ZNF835: variants seen among roughly 807,000 people sequenced by gnomAD.
The protein encoded by ZNF835 is zinc finger protein 835.
For synonymous variants in ZNF835, 323 were observed against 324.7 expected (o/e 0.99, Z 0.06); for missense variants, 783 against 758.4 (o/e 1.03, Z -0.38).
intron 1 of ZNF835, among the ~76,000 whole-genome samples, chr19:56,670,678 C>T (rs554077280): frequency 2.0e-5 from 3 of 152,326 alleles, no homozygotes; most frequent in Non-Finnish European, 2.9e-5. Flanking sequence ...CAGTCACACT[C>T]GGTGGATAGA....
Position 56,664,752 on chromosome 19 carries a change from C to T in ZNF835, c.447G>A (p.Gln149=). 5 of 1,613,736 alleles carry T rather than the reference C, an allele frequency of 3.1e-6. No individual in the cohort carries two copies. The highest frequency in any genetic ancestry group is 1.1e-5 in the South Asian group (1 of 91,062). The part of the protein sequence containing the change: ...ACPECGKAFS[Q]SVHLTLHQRT... The stretch of plus-strand genomic sequence containing the variant: ...GCTGGTGCAGGGTCAGGTGCACGCT[C>T]TGGCTGAAGGCCTTGCCGCACTCGG... The change falls in exon 2 of 2, where the codon CAG becomes CAA. Residue 149 remains glutamine, a synonymous_variant. Transcript: ENST00000537055.
intron 1 of ZNF835, among the ~76,000 whole-genome samples, chr19:56,668,949 G>A: frequency 6.6e-6 from 1 of 152,070 alleles, no homozygotes; most frequent in East Asian, 1.9e-4. Flanking sequence ...GTAAACCTGG[G>A]TGTTGTGCAC....
chr19:56,667,517 T>C (rs950846885), intron 1 of ZNF835, among the ~76,000 whole-genome samples: 30 of 152,164 alleles, frequency 2.0e-4, no homozygotes, highest in African/African-American at 7.2e-4. Flanking sequence ...ACATGGCAGG[T>C]CTCTCAGCAA....
In ZNF835 at chr19:56,664,328, C is replaced by A. The variant is rs779257745; in HGVS notation, c.871G>T (p.Ala291Ser). ...ACGCGCCGGTGCTGGGTCAGGTGCGCGATCTGCGCGAAGGCCTTGGCGCAC... is the reference window on the plus strand; with the variant it reads ...ACGCGCCGGTGCTGGGTCAGGTGCGAGATCTGCGCGAAGGCCTTGGCGCAC... ...GQCAKAFAQI[A>S]HLTQHRRVHT... The change falls in exon 2 of 2, where the codon GCG (alanine) becomes TCG (serine). Residue 291 changes from alanine to serine, a missense_variant. Transcript: ENST00000537055. The A allele has an allele frequency of 7.6e-6, 12 of 1,574,532 alleles. No individual in the cohort carries two copies. Among genetic ancestry groups the A allele is most frequent in the Middle Eastern group, 1.7e-4 (1 of 5,864 alleles).
At position 56,664,615 on chromosome 19, in the gene ZNF835, C is replaced by G. The variant is rs202122394; in HGVS notation, c.584G>C (p.Arg195Pro). ...GAAGGCCTTGCCGCAGTCGGCGCAG[C>G]GGTGCGGCTTCTCGCCCGTGTGCGT... ...WRTHTGEKPHRCADCGKAFTR... is the reference protein window; with the variant it reads ...WRTHTGEKPHPCADCGKAFTR... Residue 195 changes from arginine (R) to proline (P), a missense_variant, in exon 2 of 2, where the codon CGC (arginine) becomes CCC (proline). Coordinates refer to ENST00000537055, the MANE Select transcript of ZNF835 (RefSeq NM_001005850.3). 7 of 1,603,604 alleles carry G rather than the reference C, an allele frequency of 4.4e-6. No individual in the cohort carries two copies.
rs575232626 is a variant in ZNF835, at chr19:56,664,349, C to G, written c.850G>C (p.Ala284Pro). The change falls in exon 2 of 2, where the codon GCC (alanine) becomes CCC (proline). Residue 284 changes from alanine to proline, a missense_variant. Coordinates refer to ENST00000537055, the MANE Select transcript of ZNF835 (RefSeq NM_001005850.3). The stretch of plus-strand genomic sequence containing the variant: ...TGCGCGATCTGCGCGAAGGCCTTGG[C>G]GCACTGGCCGCAGCGGTAGGGCTTC... ...EEKPYRCGQC[A>P]KAFAQIAHLT... 1.2e-6 allele frequency: 2 copies of G among 1,607,196 alleles called. No homozygotes were observed. The highest frequency in any genetic ancestry group is 1.7e-6 in the Non-Finnish European group (2 of 1,176,966).
chr19:56,669,132 C>T (rs1482637218), intron 1 of ZNF835, among the ~76,000 whole-genome samples: 2 of 152,148 alleles, frequency 1.3e-5, no homozygotes, highest in African/African-American at 4.8e-5. Flanking sequence ...TCAACCCCTC[C>T]TTGGGTTTGG....
In ZNF835 at chr19:56,664,773, C is replaced by G. The variant is rs780376856; in HGVS notation, c.426G>C (p.Glu142Asp). The G allele has an allele frequency of 6.2e-7, 1 of 1,614,124 alleles. No individual in the cohort carries two copies. Among genetic ancestry groups the G allele is most frequent in the Non-Finnish European group, 8.5e-7 (1 of 1,180,004 alleles). ...CGCTCTGGCTGAAGGCCTTGCCGCA[C>G]TCGGGGCACGCAAATGGCTTCTCCC... is the stretch of plus-strand genomic sequence containing the variant. Reference protein sequence around the residue: ...HTGEKPFACPECGKAFSQSVH... With the variant: ...HTGEKPFACPDCGKAFSQSVH... Residue 142 changes from glutamate to aspartate, a missense_variant, in exon 2 of 2, where the codon GAG becomes GAC. Physicochemically the swap from Glu to Asp is conservative, Grantham distance 45. Coordinates refer to ENST00000537055, the MANE Select transcript of ZNF835 (RefSeq NM_001005850.3).
chr19:56,664,886 C>T lies in ZNF835; in HGVS notation c.313G>A (p.Gly105Ser). 6.2e-7 allele frequency: 1 copy of T among 1,613,890 alleles called. No individual in the cohort carries two copies. The highest frequency in any genetic ancestry group is 8.5e-7 in the Non-Finnish European group (1 of 1,179,894). ...CCGCATTTCCACGGCTTCTTGGGGC[C>T]TCCACCTCTCTCCCGCTGGCGGCTG... ...PDSRQRERGG[G>S]PKKPWKCGDC... Residue 105 changes from glycine to serine, a missense_variant, in exon 2 of 2, where the codon GGC (glycine) becomes AGC (serine). Transcript: ENST00000537055.
chr19:56,668,826 G>A (rs1442316362), intron 1 of ZNF835, among the ~76,000 whole-genome samples: 2 of 152,064 alleles, frequency 1.3e-5, no homozygotes, highest in Non-Finnish European at 2.9e-5. Flanking sequence ...GAACTTGCTG[G>A]TGGGGGCCAG....
At chr19:56,670,679 G>A (rs577366707) in intron 1 of ZNF835, among the ~76,000 whole-genome samples, 2 of 152,164 alleles carry the variant, frequency 1.3e-5, no homozygotes, top group Non-Finnish European at 1.5e-5. Context: ...AGTCACACTC[G>A]GTGGATAGAG....
chr19:56,668,613 G>A (rs2045264967), intron 1 of ZNF835, among the ~76,000 whole-genome samples: 1 of 152,146 alleles, frequency 6.6e-6, no homozygotes, highest in South Asian at 2.1e-4. Flanking sequence ...GAGGACAAGA[G>A]GAGACCCTGA....
rs774575039 is a variant in ZNF835 at position 56,664,295 on chromosome 19, C to A, written c.904G>T (p.Gly302Cys). ...TCCTGGCACGTGTAGGGCTTCTCGC[C>A]CGTGTGCACGCGCCGGTGCTGGGTC... Reference protein sequence around the residue: ...HLTQHRRVHTGEKPYTCQDCG... With the variant: ...HLTQHRRVHTCEKPYTCQDCG... The change falls in exon 2 of 2, where the codon GGC becomes TGC. Residue 302 changes from glycine to cysteine, a missense_variant. Physicochemically the swap from Gly to Cys is radical, Grantham distance 159 (BLOSUM62 -3). Coordinates refer to ENST00000537055, the MANE Select transcript of ZNF835 (RefSeq NM_001005850.3). The A allele has an allele frequency of 6.2e-7, 1 of 1,605,784 alleles. No homozygotes were observed. The highest frequency in any genetic ancestry group is 1.7e-5 in the Admixed American group (1 of 58,364).
Position 56,664,328 on chromosome 19 carries a change from C to G in ZNF835, c.871G>C (p.Ala291Pro). Residue 291 changes from alanine (A) to proline (P), a missense_variant, in exon 2 of 2, where the codon GCG becomes CCG. Physicochemically the swap from Ala to Pro is conservative, Grantham distance 27. Transcript: ENST00000537055. ...GQCAKAFAQI[A>P]HLTQHRRVHT... Reference sequence around the variant, plus strand: ...ACGCGCCGGTGCTGGGTCAGGTGCGCGATCTGCGCGAAGGCCTTGGCGCAC... The same window carrying G: ...ACGCGCCGGTGCTGGGTCAGGTGCGGGATCTGCGCGAAGGCCTTGGCGCAC... 2 of 1,574,532 alleles carry G rather than the reference C, an allele frequency of 1.3e-6. No individual in the cohort carries two copies. The highest frequency in any genetic ancestry group is 1.7e-6 in the Non-Finnish European group (2 of 1,164,028).
At position 56,663,650 on chromosome 19, in the gene ZNF835, G is replaced by T. The variant is rs755959498; in HGVS notation, c.1549C>A (p.Gln517Lys). 2.5e-6 allele frequency: 4 copies of T among 1,614,054 alleles called. No homozygotes were observed. In the East Asian group the frequency reaches 8.9e-5, roughly 36 times the overall value. Residue 517 changes from glutamine to lysine, a missense_variant, in exon 2 of 2, where the codon CAG becomes AAG. By Grantham distance (53) the Gln-to-Lys change is moderately conservative. Transcript: ENST00000537055. ...PTPDSTPGLS[Q>K]GGETCQQGCP... is the part of the protein sequence containing the mutation. ...CCCTGTTGACAGGTTTCTCCTCCCT[G>T]TGAGAGCCCAGGTGTTGAGTCAGGC...
chr19:56,663,683 C>T lies in ZNF835; in HGVS notation c.1516G>A (p.Ala506Thr), dbSNP rs2045205937. Residue 506 changes from alanine (A) to threonine (T), a missense_variant, in exon 2 of 2, where the codon GCT becomes ACT. Physicochemically the swap from Ala to Thr is moderately conservative, Grantham distance 58 (BLOSUM62 0). Transcript: ENST00000537055. ...HADSSGRLCP[A>T]PTPDSTPGLS... ...CCAGGTGTTGAGTCAGGCGTGGGAG[C>T]TGGGCAAAGGCGTCCCGAACTGTCT... 1.9e-6 allele frequency: 3 copies of T among 1,614,024 alleles called. No individual in the cohort carries two copies. Among genetic ancestry groups the T allele is most frequent in the Non-Finnish European group, 2.5e-6 (3 of 1,179,896 alleles).
At chr19:56,667,719 G>A (rs967524099) in intron 1 of ZNF835, among the ~76,000 whole-genome samples, 2 of 152,158 alleles carry the variant, frequency 1.3e-5, no homozygotes, top group East Asian at 3.9e-4. Context: ...ACCCTTTGTG[G>A]TGGTGCTAGG....
chr19:56,668,600 C>T (rs763700024), intron 1 of ZNF835, among the ~76,000 whole-genome samples: 8 of 152,016 alleles, frequency 5.3e-5, no homozygotes, highest in Non-Finnish European at 1.2e-4. Context: ...TGTGCCTCAG[C>T]AAGAGGACAA....
intron 1 of ZNF835, among the ~76,000 whole-genome samples, chr19:56,670,639 C>T (rs2045281172): frequency 6.6e-6 from 1 of 152,236 alleles, no homozygotes; most frequent in South Asian, 2.1e-4. Context: ...TACTGGGACA[C>T]ACCCACAGGG....
Sources: allele counts gnomAD v4.1 joint callset (sites outside exome capture counted in the v4.1 genomes callset), GRCh38; gene constraint gnomAD v4.1.1; transcripts MANE v1.5; gene names NCBI Gene and HGNC (gene_info 2026-07-23, HGNC 2026-07-21).